TTK: variants seen among roughly 807,000 people sequenced by gnomAD.
TTK encodes the protein TTK protein kinase.
TTK carries 59 observed loss-of-function variants against 117.3 expected under a neutral mutation model. The ratio of observed to expected loss-of-function variants is 0.50; its 90% CI spans 0.41 to 0.62. TTK has a LOEUF of 0.62. TTK is among the 20% of genes least tolerant of loss of function. TTK has a pLI of 0.00. For missense variants in TTK, 921 were observed against 989.4 expected, an observed-to-expected ratio of 0.93 and a Z score of 0.93; for synonymous variants, 302 against 325.0, an observed-to-expected ratio of 0.93 and a Z score of 0.76.
At chr6:80,037,244 C>T (rs1331878246) in intron 17 of TTK, among the ~76,000 whole-genome samples, 7 of 151,988 alleles carry the variant, frequency 4.6e-5, no homozygotes, top group Admixed American at 4.6e-4. Context: ...GTAAAATAGA[C>T]TTTGTTAGGA....
intron 14 of TTK, among the ~76,000 whole-genome samples, chr6:80,034,119 G>C (rs1454843988): frequency 6.6e-6 from 1 of 151,986 alleles, no homozygotes; most frequent in Non-Finnish European, 1.5e-5. Flanking sequence ...TGATAGAGTT[G>C]AAAAAAATCA....
rs1768022678 is a variant in TTK, at chr6:80,040,601, T to A, written c.2393-5T>A. The stretch of plus-strand genomic sequence containing the variant: ...GTACTAGTGTATTATTGATTTATTT[T>A]ATAGTTAACCAAATGGCCAAGGGAA... On this transcript the variant is annotated splice_region_variant and splice_polypyrimidine_tract_variant and intron_variant, in intron 20 of 21. Transcript: ENST00000369798. 6.2e-7 allele frequency: 1 copy of A among 1,610,382 alleles called. No homozygotes were observed. The highest frequency in any genetic ancestry group is 1.7e-4 in the Middle Eastern group (1 of 6,022).
chr6:80,040,386 C>A, intron 20 of TTK, 106 bp downstream of exon 20: 1 of 1,039,508 alleles, frequency 9.6e-7, no homozygotes, highest in South Asian at 2.0e-5. Context: ...CCTTTGTCAG[C>A]CTGCCTTTTT....
Position 80,036,501 on chromosome 6 carries a change from G to C in TTK, c.1951G>C (p.Ala651Pro). Residue 651 changes from alanine to proline, a missense_variant, in exon 17 of 22, where the codon GCT (alanine) becomes CCT (proline). Ala to Pro is a conservative substitution (Grantham distance 27, BLOSUM62 -1). Transcript: ENST00000369798. ...CATTGTTCACAGTGATCTTAAACCA[G>C]CTAACTTTCTGATAGTTGATGGAAT... ...HGIVHSDLKPANFLIVDGMLK... is the reference protein window; with the variant it reads ...HGIVHSDLKPPNFLIVDGMLK... 6.2e-7 allele frequency: 1 copy of C among 1,610,410 alleles called. No homozygotes were observed. Among genetic ancestry groups the C allele is most frequent in the Non-Finnish European group, 8.5e-7 (1 of 1,178,400 alleles).
intron 13 of TTK, among the ~76,000 whole-genome samples, chr6:80,029,866 TA>T (rs1429052263): frequency 1.3e-5 from 2 of 152,210 alleles, no homozygotes; most frequent in Non-Finnish European, 1.5e-5. Flanking sequence ...TACTTTATTC[TA>T]AAAACTGTCA....
intron 13 of TTK, among the ~76,000 whole-genome samples, chr6:80,030,457 T>C (rs1184827922): frequency 6.6e-6 from 1 of 152,156 alleles, no homozygotes; most frequent in African/African-American, 2.4e-5. Flanking sequence ...CTTACACTGC[T>C]ATAAAGAAAA....
In TTK at chr6:80,026,410, T is replaced by G. The variant is rs1767606305; in HGVS notation, c.1290T>G (p.Phe430Leu). 1.2e-6 allele frequency: 2 copies of G among 1,613,580 alleles called. No individual in the cohort carries two copies. Among genetic ancestry groups the G allele is most frequent in the East Asian group, 2.2e-5 (1 of 44,806 alleles). Residue 430 changes from phenylalanine to leucine, a missense_variant, in exon 12 of 22, where the codon TTT (phenylalanine) becomes TTG (leucine). Transcript: ENST00000369798. ...QKHTTFEQPV[F>L]SVSKQSPPIS... ...ATACCACTTTTGAGCAACCTGTCTTTTCAGTTTCAAAACAGTCACCACCAA... is the reference window on the plus strand; with the variant it reads ...ATACCACTTTTGAGCAACCTGTCTTGTCAGTTTCAAAACAGTCACCACCAA...
chr6:80,030,128 T>A (rs1239338851), intron 13 of TTK, among the ~76,000 whole-genome samples: 1 of 152,192 alleles, frequency 6.6e-6, no homozygotes, highest in Non-Finnish European at 1.5e-5. Context: ...ACATGAGAGA[T>A]TCTACCATTT....
intron 2 of TTK, among the ~76,000 whole-genome samples, chr6:80,006,462 A>C (rs980243435): frequency 6.6e-6 from 1 of 152,148 alleles, no homozygotes; most frequent in Admixed American, 6.5e-5. Flanking sequence ...GTTAAGCAAA[A>C]TCTTAATGGA....
chr6:80,040,147 A>C (rs771916476), intron 19 of TTK, 49 bp from the exon 20 acceptor site: 15 of 1,393,196 alleles, frequency 1.1e-5, no homozygotes, highest in Non-Finnish European at 1.2e-5. Flanking sequence ...TCAATATCAT[A>C]TATGAAAACC....
intron 2 of TTK, among the ~76,000 whole-genome samples, chr6:80,006,453 T>G (rs1275952723): frequency 1.3e-5 from 2 of 152,188 alleles, no homozygotes; most frequent in Non-Finnish European, 2.9e-5. Context: ...AGTTTTAGTG[T>G]TAAGCAAAAT....
intron 13 of TTK, 43 bp downstream of exon 13, chr6:80,028,054 T>G: frequency 2.0e-6 from 3 of 1,506,530 alleles, no homozygotes; most frequent in Non-Finnish European, 2.7e-6. Context: ...TAAGATACAG[T>G]CCGTTTTACA....
In TTK at chr6:80,011,710, G is replaced by T; in HGVS notation, c.729-19G>T. ...AATATTGTTCTTTGAAAAATTGGGG[G>T]TATTTTCTTTCTGTTTAGAGAGAAC... is the stretch of plus-strand genomic sequence containing the variant. On this transcript the variant is annotated intron_variant, in intron 6 of 21. Transcript: ENST00000369798. The T allele has an allele frequency of 1.2e-6, 2 of 1,610,736 alleles. No homozygotes were observed. The highest frequency in any genetic ancestry group is 1.7e-6 in the Non-Finnish European group (2 of 1,178,250).
intron 5 of TTK, 23 bp downstream of exon 5, chr6:80,010,980 A>G (rs756807660): frequency 6.2e-7 from 1 of 1,600,932 alleles, no homozygotes; most frequent in Non-Finnish European, 8.5e-7. Flanking sequence ...GTATACTAAT[A>G]CTTTCTGTGG....
At chr6:80,040,093 A>T in intron 19 of TTK, 103 bp from the exon 20 acceptor site, 1 of 1,070,610 alleles carries the variant, frequency 9.3e-7, no homozygotes, top group Non-Finnish European at 1.3e-6. Flanking sequence ...GGGATATCTA[A>T]AAAGTAACTT....
intron 18 of TTK, among the ~76,000 whole-genome samples, chr6:80,039,312 A>T (rs1767985015): frequency 6.6e-6 from 1 of 151,990 alleles, no homozygotes; most frequent in Non-Finnish European, 1.5e-5. Flanking sequence ...GGGTTGCATA[A>T]TTTAAGCAAC....
Position 80,013,314 on chromosome 6 carries a change from T to C in TTK, c.932T>C (p.Val311Ala). 2 of 1,603,674 alleles carry C rather than the reference T, an allele frequency of 1.2e-6. No individual in the cohort carries two copies. Among genetic ancestry groups the C allele is most frequent in the Non-Finnish European group, 1.7e-6 (2 of 1,176,834 alleles). Residue 311 changes from valine (V) to alanine (A), a missense_variant, in exon 9 of 22, where the codon GTG becomes GCG. Transcript: ENST00000369798. Reference sequence around the variant, plus strand: ...AGATCAGAATGCCGAGATTTGGTTGTGCCTGGATCTAAACCAAGTGGAAAT... The same window carrying C: ...AGATCAGAATGCCGAGATTTGGTTGCGCCTGGATCTAAACCAAGTGGAAAT... ...TSRSECRDLV[V>A]PGSKPSGNDS...
chr6:80,034,499 T>C (rs979488518), intron 14 of TTK, among the ~76,000 whole-genome samples: 1 of 152,276 alleles, frequency 6.6e-6, no homozygotes, highest in Non-Finnish European at 1.5e-5. Flanking sequence ...CCTTAACTTT[T>C]TTATTTTTCC....
chr6:80,038,629 A>C (rs928523697), intron 18 of TTK, among the ~76,000 whole-genome samples: 1 of 152,222 alleles, frequency 6.6e-6, no homozygotes, highest in Non-Finnish European at 1.5e-5. Flanking sequence ...TATCCAGCTC[A>C]GAATCATTGC....
Sources: gnomAD v4.1 joint callset for allele counts (sites outside exome capture counted in the v4.1 genomes callset) on GRCh38, gnomAD v4.1.1 for gene constraint, MANE v1.5 for transcripts, NCBI Gene and HGNC (gene_info 2026-07-23, HGNC 2026-07-21) for gene names.